Variants in JTB observed in about 807,000 individuals in gnomAD.
The protein encoded by JTB is jumping translocation breakpoint.
Under a neutral mutation model 22.1 loss-of-function variants are expected in JTB, and 10 were observed. The ratio of observed to expected loss-of-function variants is 0.45; its 90% confidence interval spans 0.28 to 0.77. The LOEUF (loss-of-function observed/expected upper bound fraction) is 0.77. Ranked by LOEUF, JTB falls within the 30% of genes least tolerant of loss-of-function variation. JTB has a pLI of 0.13. For missense variants in JTB, 137 were observed against 180.3 expected (o/e 0.76, Z 1.38); for synonymous variants, 83 against 66.8 (o/e 1.24, Z -1.18).
intron 4 of JTB, 46 bp downstream of exon 4, chr1:153,975,780 C>T (rs373905373): frequency 2.0e-6 from 3 of 1,471,616 alleles, no homozygotes; most frequent in Non-Finnish European, 2.9e-6. Flanking sequence ...CATCTAAAGT[C>T]ATAGGAGCAA....
chr1:153,974,876 A>G, intron 4 of JTB, 41 bp from the exon 5 acceptor site: 1 of 1,581,110 alleles, frequency 6.3e-7, no homozygotes, highest in East Asian at 2.3e-5. Flanking sequence ...GGAAGGCCAG[A>G]CAGCTTCTCC....
At chr1:153,974,908 A>G in intron 4 of JTB, 73 bp from the exon 5 acceptor site, 4 of 1,496,888 alleles carry the variant, frequency 2.7e-6, no homozygotes, top group Non-Finnish European at 3.7e-6. Flanking sequence ...CTTCTACTTC[A>G]GCCTAGCCAG....
rs1648720051 is a variant in JTB, at chr1:153,974,736, C to T, written c.384G>A (p.Gln128=). The T allele has an allele frequency of 9.3e-6, 15 of 1,613,812 alleles. No individual in the cohort carries two copies. Among genetic ancestry groups the T allele is most frequent in the Non-Finnish European group, 1.2e-5 (14 of 1,179,840 alleles). ...CCAGAGCCTTTCTGTCCAATTGTCG[C>T]TGACGAATGATGACAAGACAAGCGA... The part of the protein sequence containing the change: ...LIFACLVIIR[Q]RQLDRKALEK... Residue 128 remains glutamine (Q), a synonymous_variant, in exon 5 of 5, where the codon CAG becomes CAA. Transcript: ENST00000271843.
At chr1:153,975,013 G>A (rs1648735403) in intron 4 of JTB, among the ~76,000 whole-genome samples, 178 bp from the exon 5 acceptor site, 1 of 152,226 alleles carries the variant, frequency 6.6e-6, no homozygotes, top group African/African-American at 2.4e-5. Flanking sequence ...CTCTGGATAA[G>A]CAGAGCTAGT....
chr1:153,976,418 G>A (rs1389858121), intron 3 of JTB, among the ~76,000 whole-genome samples: 3 of 152,062 alleles, frequency 2.0e-5, no homozygotes, highest in East Asian at 3.9e-4. Context: ...CCGAGATCTC[G>A]CCACTGCACT....
chr1:153,977,385 G>A lies in JTB; in HGVS notation c.-133C>T. 1 of 1,452,740 alleles carries A rather than the reference G, an allele frequency of 6.9e-7. No homozygotes were observed. Among genetic ancestry groups the A allele is most frequent in the Non-Finnish European group, 9.0e-7 (1 of 1,108,534 alleles). 90.0% of individuals were successfully genotyped at this position (1,452,740 alleles called of 1,614,324 possible). On this transcript the variant is annotated 5_prime_UTR_variant, in exon 1 of 5. Transcript: ENST00000271843. ...CCAGGTCAGGGCAGGGAAGGCCGGA[G>A]TTGCCTATTGGAGCAGAGGATCTAT...
rs1189490354 is a variant in JTB at position 153,976,775 on chromosome 1, G to A, written c.122C>T (p.Ala41Val). 1 of 1,614,106 alleles carries A rather than the reference G, an allele frequency of 6.2e-7. No individual in the cohort carries two copies. The highest frequency in any genetic ancestry group is 1.1e-5 in the South Asian group (1 of 91,082). Reference protein sequence around the residue: ...EAPVQEEKLSASTSNLPCWLV... With the variant: ...EAPVQEEKLSVSTSNLPCWLV... ...CCAGCATGGCAAATTTGAGGTGCTT[G>A]CTGAAAGGAAAGATAAATGCCAGCC... The change falls in exon 3 of 5, where the codon GCA becomes GTA. Residue 41 changes from alanine to valine, a missense_variant and splice_region_variant. Transcript: ENST00000271843.
chr1:153,976,386 G>A (rs886904068), intron 3 of JTB, among the ~76,000 whole-genome samples: 18 of 152,232 alleles, frequency 1.2e-4, no homozygotes, highest in Admixed American at 7.8e-4. Flanking sequence ...GCTTGAACCC[G>A]GGAGGCGGAG....
chr1:153,977,523 G>A lies in JTB; in HGVS notation c.-271C>T. The A allele has an allele frequency of 8.6e-7, 1 of 1,166,572 alleles. No homozygotes were observed. The highest frequency in any genetic ancestry group is 1.1e-6 in the Non-Finnish European group (1 of 941,178). 72.3% of individuals were successfully genotyped at this position (1,166,572 alleles called of 1,614,324 possible). A position where few individuals can be genotyped will look rare whatever the true frequency, so the allele number is the denominator to read the frequency against. ...CTGGAGGAAGGGCCGGCGGGGGCTC[G>A]CGGCCCTAGCGCCCGCTCACCTCCG... On this transcript the variant is annotated 5_prime_UTR_variant, in exon 1 of 5. Coordinates refer to ENST00000271843, the MANE Select transcript of JTB (RefSeq NM_006694.4).
At chr1:153,975,420 C>CTTTT (rs759464567) in intron 4 of JTB, among the ~76,000 whole-genome samples, 138 of 112,366 alleles carry the variant, frequency 1.2e-3, no homozygotes, top group African/African-American at 4.3e-3. Context: ...CTCCCAGCCT[C>CTTTT]TTTTTTTTTT....
rs906582227 is a variant in JTB, at chr1:153,977,442, T to A, written c.-190A>T. ...GTCCCCGTTGCCACAGCGAGAAAAA[T>A]CGATATGTTTTTGCGGGCTAGGGAG... On this transcript the variant is annotated 5_prime_UTR_variant, in exon 1 of 5. Transcript: ENST00000271843. 7.3e-7 allele frequency: 1 copy of A among 1,373,004 alleles called. No homozygotes were observed. Among genetic ancestry groups the A allele is most frequent in the African/African-American group, 1.5e-5 (1 of 67,846 alleles). The allele number at this position is 1,373,004 out of a possible 1,614,324, so 85.1% of individuals were successfully genotyped here. A position where few individuals can be genotyped will look rare whatever the true frequency, so the allele number is the denominator to read the frequency against.
intron 3 of JTB, 49 bp from the exon 4 acceptor site, chr1:153,975,954 T>C (rs1220895297): frequency 1.4e-6 from 2 of 1,386,530 alleles, no homozygotes; most frequent in South Asian, 1.2e-5. Context: ...GGCAACAGGA[T>C]AAACAAAAAG....
intron 3 of JTB, 70 bp from the exon 4 acceptor site, chr1:153,975,975 A>G: frequency 8.9e-7 from 1 of 1,120,954 alleles, no homozygotes; most frequent in Non-Finnish European, 1.4e-6. Context: ...GCTGCCATTC[A>G]GAAGGTGCAG....
intron 3 of JTB, 127 bp from the exon 4 acceptor site, chr1:153,976,032 GAA>G (rs767002260): frequency 1.6e-5 from 11 of 677,972 alleles, no homozygotes; most frequent in Non-Finnish European, 2.4e-5. Context: ...GAGAGCTAAT[GAA>G]AGAGTTCTGA....
chr1:153,974,649 T>A lies in JTB; in HGVS notation c.*30A>T. 1 of 1,585,684 alleles carries A rather than the reference T, an allele frequency of 6.3e-7. No homozygotes were observed. The highest frequency in any genetic ancestry group is 8.7e-7 in the Non-Finnish European group (1 of 1,156,040). Reference sequence around the variant, plus strand: ...CTTTCACTGTCTGAGATAGGGTCTCTAAGACCCAGGATACAAGGGTGGAAT... The same window carrying A: ...CTTTCACTGTCTGAGATAGGGTCTCAAAGACCCAGGATACAAGGGTGGAAT... On this transcript the variant is annotated 3_prime_UTR_variant, in exon 5 of 5. Transcript: ENST00000271843.
rs1385085048 is a variant in JTB at position 153,974,483 on chromosome 1, T to G, written c.*196A>C. The stretch of plus-strand genomic sequence containing the variant: ...CCTTTCCCTCTCTGCCCCCATGACT[T>G]CCTGCTCCAAGTTACAGAAGGGAAG... On this transcript the variant is annotated 3_prime_UTR_variant, in exon 5 of 5. Transcript: ENST00000271843. 2.1e-6 allele frequency: 1 copy of G among 477,980 alleles called. No individual in the cohort carries two copies. The highest frequency in any genetic ancestry group is 3.7e-6 in the Non-Finnish European group (1 of 273,222). The allele number at this position is 477,980 out of a possible 1,614,324, so 29.6% of individuals were successfully genotyped here. A position where few individuals can be genotyped will look rare whatever the true frequency, so the allele number is the denominator to read the frequency against.
At chr1:153,975,980 G>A (rs1648782752) in intron 3 of JTB, 75 bp from the exon 4 acceptor site, 1 of 1,036,154 alleles carries the variant, frequency 9.7e-7, no homozygotes, top group South Asian at 1.3e-5. Context: ...CATTCAGAAG[G>A]TGCAGGTGCC....
intron 1 of JTB, 32 bp from the exon 2 acceptor site, chr1:153,977,045 CA>C: frequency 6.2e-7 from 1 of 1,614,134 alleles, no homozygotes; most frequent in Non-Finnish European, 8.5e-7. Flanking sequence ...GGACAAAAGT[CA>C]AAACCCAGAA....
In JTB at chr1:153,977,258, G is replaced by A. The variant is rs1273031405; in HGVS notation, c.-6C>T. On this transcript the variant is annotated 5_prime_UTR_variant, in exon 1 of 5. Coordinates refer to ENST00000271843, the MANE Select transcript of JTB (RefSeq NM_006694.4). ...CTCCCGGCACCCGCAAGCATGGAGC[G>A]CCAAGTGTCGCACCTGTCGGAACAG... 1.2e-6 allele frequency: 2 copies of A among 1,613,842 alleles called. No individual in the cohort carries two copies. The highest frequency in any genetic ancestry group is 1.7e-6 in the Non-Finnish European group (2 of 1,179,958).
Sources: gnomAD v4.1 joint callset for allele counts (sites outside exome capture counted in the v4.1 genomes callset) on GRCh38, gnomAD v4.1.1 for gene constraint, MANE v1.5 for transcripts, NCBI Gene and HGNC (gene_info 2026-07-23, HGNC 2026-07-21) for gene names.